Variants in PXDNL observed in about 807,000 individuals in gnomAD.
PXDNL encodes peroxidasin like.
A neutral mutation model predicts 150.8 loss-of-function variants in PXDNL; 145 were observed. The observed-to-expected ratio is 0.96, with a 90% CI of 0.84 to 1.10. The LOEUF (loss-of-function observed/expected upper bound fraction) is 1.10, where lower values mean the gene tolerates loss of function less well. Ranked by LOEUF, PXDNL falls within the 50% of genes least tolerant of loss-of-function variation. PXDNL has a pLI of 0.00. For synonymous variants in PXDNL, 757 were observed against 725.7 expected (o/e 1.04, Z -0.69); for missense variants, 2,087 against 1,873.9 (o/e 1.11, Z -2.10).
intron 12 of PXDNL, among the ~76,000 whole-genome samples, chr8:51,429,350 T>C (rs1809194797): frequency 6.6e-6 from 1 of 152,080 alleles, no homozygotes; most frequent in African/African-American, 2.4e-5. Context: ...GAGGCCGAGG[T>C]TGACGGATCA....
chr8:51,478,972 C>A lies in PXDNL; in HGVS notation c.525-3831G>T, dbSNP rs2130140836. 1.3e-5 allele frequency among the ~76,000 whole-genome samples: 2 copies of A among 152,126 alleles called. 1 individual carries two copies. The highest frequency in any genetic ancestry group is 4.2e-4 in the South Asian group (2 of 4,814). On this transcript the variant is annotated intron_variant, in intron 6 of 22. Coordinates refer to ENST00000356297, the MANE Select transcript of PXDNL (RefSeq NM_144651.5). Reference sequence around the variant, plus strand: ...AAAGATAGTTTGTCAAAATAACAAACCAAAAAAATCATCTTAAAACATTTG... The same window carrying A: ...AAAGATAGTTTGTCAAAATAACAAAACAAAAAAATCATCTTAAAACATTTG...
chr8:51,665,939 T>C (rs1252102521), intron 1 of PXDNL, among the ~76,000 whole-genome samples: 3 of 152,270 alleles, frequency 2.0e-5, no homozygotes, highest in African/African-American at 7.2e-5. Flanking sequence ...GATGTTCTTT[T>C]GGGAAACTAT....
Position 51,469,874 on chromosome 8 carries a change from T to C in PXDNL, c.812+2313A>G, listed in dbSNP as rs79124194. Reference sequence around the variant, plus strand: ...ACTCTTCTCTTTCATCTTTAATTTTTTGGTATAAAATGATTAACATTTTGA... The same window carrying C: ...ACTCTTCTCTTTCATCTTTAATTTTCTGGTATAAAATGATTAACATTTTGA... On this transcript the variant is annotated intron_variant, in intron 8 of 22. Coordinates refer to ENST00000356297, the MANE Select transcript of PXDNL (RefSeq NM_144651.5). 8.9e-3 allele frequency among the ~76,000 whole-genome samples: 1,360 copies of C among 152,244 alleles called. 10 individuals carry two copies. Among genetic ancestry groups the C allele is most frequent in the African/African-American group, 0.031 (1,303 of 41,582 alleles).
In PXDNL at chr8:51,743,940, G is replaced by GAAGGAAGGAAGGAAGC. The variant is rs1563306928; in HGVS notation, c.164+65240_164+65241insGCTTCCTTCCTTCCTT. On this transcript the variant is annotated intron_variant, in intron 1 of 22. Transcript: ENST00000356297. ...GGAAGGAAGGAAGGAAGGAAGGAAG[G>GAAGGAAGGAAGGAAGC]AGAGAAAGAGAGAAAGAAAAAAGAG... Among the ~76,000 whole-genome samples the GAAGGAAGGAAGGAAGC allele has an allele frequency of 1.9e-4, 4 of 21,074 alleles. 1 individual carries two copies. 13.8% of individuals were successfully genotyped at this position (21,074 alleles called of 152,430 possible). A position where few individuals can be genotyped will look rare whatever the true frequency, so the allele number is the denominator to read the frequency against.
At chr8:51,339,587 A>G (rs1460351886) in intron 21 of PXDNL, 37 bp downstream of exon 21, 1 of 1,595,352 alleles carries the variant, frequency 6.3e-7, no homozygotes, top group South Asian at 1.1e-5. Flanking sequence ...ATTCCAACGC[A>G]TACAATAAGG....
intron 12 of PXDNL, among the ~76,000 whole-genome samples, chr8:51,445,398 T>G (rs889213602): frequency 1.3e-5 from 2 of 152,220 alleles, no homozygotes; most frequent in South Asian, 4.1e-4. Flanking sequence ...CTCTTTGTTC[T>G]CTAAAACACT....
At chr8:51,751,718 T>C (rs1042375410) in intron 1 of PXDNL, among the ~76,000 whole-genome samples, 2 of 152,194 alleles carry the variant, frequency 1.3e-5, no homozygotes, top group Non-Finnish European at 2.9e-5. Flanking sequence ...AACAGATGTG[T>C]GCTTTAATAC....
At chr8:51,499,046 T>C (rs1378443956) in intron 5 of PXDNL, among the ~76,000 whole-genome samples, 2 of 152,222 alleles carry the variant, frequency 1.3e-5, no homozygotes, top group Non-Finnish European at 2.9e-5. Context: ...TGTGAATTTC[T>C]GCTGTGCATG....
chr8:51,360,838 G>A (rs1806710252), intron 19 of PXDNL, among the ~76,000 whole-genome samples: 1 of 152,182 alleles, frequency 6.6e-6, no homozygotes, highest in Admixed American at 6.5e-5. Flanking sequence ...TCTGTTTTCT[G>A]TACATCAGTT....
At chr8:51,586,736 G>C in intron 3 of PXDNL, among the ~76,000 whole-genome samples, 1 of 152,230 alleles carries the variant, frequency 6.6e-6, no homozygotes, top group Non-Finnish European at 1.5e-5. Flanking sequence ...GGATACAATT[G>C]CAAGTGACGC....
At chr8:51,744,334 G>A (rs1288127041) in intron 1 of PXDNL, among the ~76,000 whole-genome samples, 1 of 149,016 alleles carries the variant, frequency 6.7e-6, no homozygotes, top group African/African-American at 2.5e-5. Flanking sequence ...AGAAAGGAAG[G>A]AAAGAGAGAA....
Position 51,449,053 on chromosome 8 carries a change from G to C in PXDNL, c.1315C>G (p.Leu439Val). 1 of 1,553,126 alleles carries C rather than the reference G, an allele frequency of 6.4e-7. No individual in the cohort carries two copies. Among genetic ancestry groups the C allele is most frequent in the Non-Finnish European group, 8.7e-7 (1 of 1,147,712 alleles). The change falls in exon 11 of 23, where the codon CTC becomes GTC. Residue 439 changes from leucine (L) to valine (V), a missense_variant. Physicochemically the swap from Leu to Val is conservative, Grantham distance 32. Transcript: ENST00000356297. ...VVLEEHAVEW[L>V]CEADGNPPPV... ...GGTGGGTTGCCGTCAGCTTCACAGAGCCACTCTACAGCATGTTCTTCCAGC... is the reference window on the plus strand; with the variant it reads ...GGTGGGTTGCCGTCAGCTTCACAGACCCACTCTACAGCATGTTCTTCCAGC...
At chr8:51,726,656 A>G (rs1380845543) in intron 1 of PXDNL, among the ~76,000 whole-genome samples, 1 of 152,226 alleles carries the variant, frequency 6.6e-6, no homozygotes, top group East Asian at 1.9e-4. Context: ...TCAACGTTAC[A>G]TGATACTTAA....
intron 4 of PXDNL, among the ~76,000 whole-genome samples, chr8:51,543,302 T>C (rs1812262459): frequency 6.6e-6 from 1 of 152,200 alleles, no homozygotes; most frequent in Admixed American, 6.5e-5. Context: ...AAAAAGTTTA[T>C]ATTTAATACA....
chr8:51,438,490 C>T (rs1809460616), intron 12 of PXDNL, among the ~76,000 whole-genome samples: 1 of 152,074 alleles, frequency 6.6e-6, no homozygotes, highest in African/African-American at 2.4e-5. Context: ...CCAAAGCAGG[C>T]GGATCATGAG....
Position 51,426,634 on chromosome 8 carries a change from T to C in PXDNL, c.1638+12A>G, listed in dbSNP as rs1334658929. On this transcript the variant is annotated intron_variant, in intron 13 of 22. Coordinates refer to ENST00000356297, the MANE Select transcript of PXDNL (RefSeq NM_144651.5). ...GTTTTTAATATTACTGTACTTTTAG[T>C]TGAGATCTTACCTTATTCCAAGTAA... 2.1e-6 allele frequency: 3 copies of C among 1,420,632 alleles called. No homozygotes were observed. The highest frequency in any genetic ancestry group is 1.2e-5 in the South Asian group (1 of 84,056). 88.0% of individuals were successfully genotyped at this position (1,420,632 alleles called of 1,614,324 possible).
intron 1 of PXDNL, among the ~76,000 whole-genome samples, chr8:51,676,453 T>G (rs1237836816): frequency 6.6e-6 from 1 of 152,118 alleles, no homozygotes; most frequent in African/African-American, 2.4e-5. Context: ...ATTTTTGTAT[T>G]TTTAGTAGAG....
intron 3 of PXDNL, among the ~76,000 whole-genome samples, chr8:51,586,056 C>G (rs1251763608): frequency 6.6e-6 from 1 of 152,102 alleles, no homozygotes; most frequent in Non-Finnish European, 1.5e-5. Context: ...GATTCATACC[C>G]CTTTGCAAGG....
At chr8:51,488,324 A>G (rs2130206753) in intron 5 of PXDNL, among the ~76,000 whole-genome samples, 1 of 152,312 alleles carries the variant, frequency 6.6e-6, no homozygotes, top group South Asian at 2.1e-4. Context: ...GAGCAATCTG[A>G]CTGTGTGTCG....
Sources: gnomAD v4.1 joint callset for allele counts (sites outside exome capture counted in the v4.1 genomes callset) on GRCh38, gnomAD v4.1.1 for gene constraint, MANE v1.5 for transcripts, NCBI Gene and HGNC (gene_info 2026-07-23, HGNC 2026-07-21) for gene names.